The following SLC2A9 variants were observed in gnomAD, a reference collection of about 807,000 sequenced individuals.
SLC2A9 encodes solute carrier family 2 member 9, also known as solute carrier family 2, facilitated glucose transporter member 9.
A neutral mutation model predicts 50.6 loss-of-function variants in SLC2A9; 39 were observed. That is an observed-to-expected ratio of 0.77 (90% CI 0.60 to 1.01). The LOEUF (loss-of-function observed/expected upper bound fraction) is 1.01, where lower values mean the gene tolerates loss of function less well. Among genes scored for constraint, SLC2A9 ranks in the 50% least tolerant of loss-of-function variants. The pLI, the probability that SLC2A9 is intolerant of heterozygous loss-of-function variation, is 0.00. For synonymous variants in SLC2A9, 324 were observed against 276.9 expected, an observed-to-expected ratio of 1.17 and a Z score of -1.69; for missense variants, 686 against 677.6, an observed-to-expected ratio of 1.01 and a Z score of -0.14.
chr4:9,834,890 T>C lies in SLC2A9; in HGVS notation c.1410A>G (p.Pro470=), dbSNP rs1404813893. ...TCCTTGTCAGTCATACCTGAATGAA[T>C]GGGAAGAGGAGCCCAACAGCAAAGT... The part of the protein sequence containing the change: ...LSNFAVGLLF[P]FIQKSLDTYC... Residue 470 remains proline, a synonymous_variant, in exon 11 of 12, where the codon CCA becomes CCG. Transcript: ENST00000264784. 1.2e-6 allele frequency: 2 copies of C among 1,613,984 alleles called. No individual in the cohort carries two copies. Among genetic ancestry groups the C allele is most frequent in the Non-Finnish European group, 8.5e-7 (1 of 1,180,026 alleles).
chr4:9,772,051 A>T (rs1716894067), intron 1 of SLC2A9, among the ~76,000 whole-genome samples: 1 of 152,192 alleles, frequency 6.6e-6, no homozygotes, highest in South Asian at 2.1e-4. Flanking sequence ...TGGATTAATG[A>T]TTAATAATGT....
chr4:9,834,398 A>C (rs1726687440), intron 11 of SLC2A9, among the ~76,000 whole-genome samples: 1 of 152,110 alleles, frequency 6.6e-6, no homozygotes, highest in Non-Finnish European at 1.5e-5. Context: ...CCCTACCCAA[A>C]AAGACTTGTA....
At chr4:9,911,044 A>G (rs931033138) in intron 7 of SLC2A9, among the ~76,000 whole-genome samples, 4 of 152,094 alleles carry the variant, frequency 2.6e-5, no homozygotes, top group Admixed American at 6.5e-5. Context: ...GAAATATCCA[A>G]TGCAGATGAC....
intron 3 of SLC2A9, among the ~76,000 whole-genome samples, chr4:9,991,633 G>A (rs1578222145): frequency 6.6e-6 from 1 of 152,094 alleles, no homozygotes; most frequent in East Asian, 1.9e-4. Context: ...CTGCATTTGG[G>A]GACAGGGCCT....
chr4:9,883,309 T>C (rs1319192233), intron 10 of SLC2A9, among the ~76,000 whole-genome samples: 2 of 152,232 alleles, frequency 1.3e-5, no homozygotes, highest in African/African-American at 4.8e-5. Context: ...GAATGTGCTA[T>C]GGAAAGTCCA....
At chr4:9,895,829 T>G (rs1390864594) in intron 8 of SLC2A9, among the ~76,000 whole-genome samples, 1 of 152,240 alleles carries the variant, frequency 6.6e-6, no homozygotes, top group Non-Finnish European at 1.5e-5. Flanking sequence ...AATTATCTTG[T>G]GTCTCTTCCC....
chr4:9,901,704 G>C (rs1363654665), intron 8 of SLC2A9, among the ~76,000 whole-genome samples: 2 of 152,100 alleles, frequency 1.3e-5, no homozygotes, highest in African/African-American at 2.4e-5. Context: ...CCCTCAAGCG[G>C]CAGCCACATC....
intron 3 of SLC2A9, among the ~76,000 whole-genome samples, chr4:9,802,031 T>C (rs1368146753): frequency 2.0e-5 from 3 of 152,176 alleles, no homozygotes; most frequent in South Asian, 2.1e-4. Context: ...TCCATCCCAC[T>C]TGAGATGCTC....
chr4:9,849,156 A>C (rs897955515), intron 10 of SLC2A9, among the ~76,000 whole-genome samples: 2 of 152,166 alleles, frequency 1.3e-5, no homozygotes, highest in Non-Finnish European at 2.9e-5. Flanking sequence ...TGCTTGGGGC[A>C]GGAGTTTGCA....
intron 5 of SLC2A9, among the ~76,000 whole-genome samples, chr4:9,960,679 C>A (rs189073544): frequency 8.4e-4 from 128 of 152,286 alleles, no homozygotes; most frequent in Non-Finnish European, 1.5e-3. Flanking sequence ...AATGCTATTT[C>A]TTTTTTGTTG....
At chr4:9,974,147 G>A (rs1754383060) in intron 5 of SLC2A9, among the ~76,000 whole-genome samples, 1 of 152,054 alleles carries the variant, frequency 6.6e-6, no homozygotes, top group Admixed American at 6.6e-5. Context: ...AAAATAATGA[G>A]AGCCAACTAT....
intron 10 of SLC2A9, among the ~76,000 whole-genome samples, chr4:9,845,673 G>A (rs1007696479): frequency 4.0e-5 from 6 of 151,626 alleles, no homozygotes; most frequent in East Asian, 3.9e-4. Context: ...CTCGTGATCC[G>A]CCCGCCTCGG....
intron 6 of SLC2A9, among the ~76,000 whole-genome samples, chr4:9,927,115 C>T (rs192062662): frequency 1.5e-3 from 229 of 151,936 alleles, no homozygotes; most frequent in African/African-American, 4.8e-3. Flanking sequence ...CTGCAACCTC[C>T]GCCTCCCAGA....
downstream of SLC2A9, among the ~76,000 whole-genome samples, chr4:9,822,877 G>C (rs1011062452): frequency 1.3e-5 from 2 of 152,178 alleles, no homozygotes; most frequent in African/African-American, 4.8e-5. Context: ...GATCGAGGCA[G>C]GAGATGTCTC....
intron 3 of SLC2A9, among the ~76,000 whole-genome samples, chr4:9,816,576 G>A (rs1560146435): frequency 6.6e-6 from 1 of 152,096 alleles, no homozygotes; most frequent in Non-Finnish European, 1.5e-5. Context: ...TACATGAGGT[G>A]ATGATATGTT....
At chr4:9,816,225 C>T (rs1723574351) in intron 3 of SLC2A9, among the ~76,000 whole-genome samples, 1 of 151,776 alleles carries the variant, frequency 6.6e-6, no homozygotes, top group Admixed American at 6.6e-5. Context: ...TTTCTTCTCA[C>T]ATCACAATAA....
chr4:10,021,926 G>A (rs755682770), upstream of SLC2A9, among the ~76,000 whole-genome samples: 5 of 150,254 alleles, frequency 3.3e-5, no homozygotes, highest in African/African-American at 7.4e-5. Context: ...TGCAACCTCC[G>A]CACCTGGGTT....
chr4:9,994,564 CTTT>C (rs35574155), intron 3 of SLC2A9, among the ~76,000 whole-genome samples: 163 of 131,828 alleles, frequency 1.2e-3, no homozygotes, highest in Admixed American at 4.0e-3. Flanking sequence ...TTTCCTTTTC[CTTT>C]TTTTTTTTTT....
intron 10 of SLC2A9, among the ~76,000 whole-genome samples, chr4:9,876,496 T>C (rs972768096): frequency 6.6e-6 from 1 of 151,984 alleles, no homozygotes; most frequent in Non-Finnish European, 1.5e-5. Flanking sequence ...GAGGCTGAGG[T>C]GGGAGGATAG....
Sources: gnomAD v4.1 joint callset for allele counts (sites outside exome capture counted in the v4.1 genomes callset) on GRCh38, gnomAD v4.1.1 for gene constraint, MANE v1.5 for transcripts, NCBI Gene and HGNC (gene_info 2026-07-23, HGNC 2026-07-21) for gene names.